Variants in PDK1 observed in about 807,000 individuals in gnomAD.
PDK1 encodes pyruvate dehydrogenase kinase 1.
Under a neutral mutation model 54.2 loss-of-function variants are expected in PDK1, and 39 were observed. That is an observed-to-expected ratio of 0.72 (90% CI 0.56 to 0.94). PDK1 has a LOEUF of 0.94. Among genes scored for constraint, PDK1 ranks in the 40% least tolerant of loss-of-function variants. The pLI, the probability that PDK1 is intolerant of heterozygous loss-of-function variation, is 0.00. For missense variants in PDK1, 552 were observed against 566.0 expected (o/e 0.98, Z 0.25); for synonymous variants, 221 against 207.1 (o/e 1.07, Z -0.58).
At chr2:172,686,601 A>C in the PDK1 span, among the ~76,000 whole-genome samples, 1 of 152,230 alleles carries the variant, frequency 6.6e-6, no homozygotes, top group African/African-American at 2.4e-5. Context: ...CTGCAGCAGC[A>C]ACCTGCTTGG....
the PDK1 span, among the ~76,000 whole-genome samples, chr2:172,661,256 T>A: frequency 6.6e-6 from 1 of 152,248 alleles, no homozygotes; most frequent in East Asian, 1.9e-4. Flanking sequence ...GTTTAGGAAT[T>A]TTGCAACCTG....
the PDK1 span, among the ~76,000 whole-genome samples, chr2:172,631,181 A>G: frequency 0.72 from 109,145 of 152,194 alleles, 39,516 homozygotes; most frequent in Non-Finnish European, 0.77. Context: ...ACCTCTATCA[A>G]ATAACAAATT....
chr2:172,712,882 A>G, the PDK1 span, among the ~76,000 whole-genome samples: 1 of 152,248 alleles, frequency 6.6e-6, no homozygotes. Flanking sequence ...TGAGGTATGC[A>G]GATAACTGCA....
chr2:172,684,587 C>T, the PDK1 span, among the ~76,000 whole-genome samples: 1 of 152,086 alleles, frequency 6.6e-6, no homozygotes, highest in African/African-American at 2.4e-5. Flanking sequence ...GGGATCAGTG[C>T]CCCAGTGACT....
intron 9 of PDK1, among the ~76,000 whole-genome samples, chr2:172,588,636 C>G (rs1018215917): frequency 5.3e-5 from 8 of 152,206 alleles, no homozygotes; most frequent in African/African-American, 1.7e-4. Flanking sequence ...TAATTTCTTG[C>G]AGAGCCTCCT....
chr2:172,559,669 T>C (rs1323518432), intron 2 of PDK1, among the ~76,000 whole-genome samples: 1 of 152,174 alleles, frequency 6.6e-6, no homozygotes, highest in Admixed American at 6.5e-5. Context: ...TGCCTCAGCC[T>C]CCAGAGTAGC....
In PDK1 at chr2:172,570,858, T is replaced by G. The variant is rs773983837; in HGVS notation, c.945+34T>G. ...GTTTAATGGTTTGTTTTCTTTTTTT[T>G]TTTTTTGTAATTGATGAACAGACAT... On this transcript the variant is annotated intron_variant, in intron 8 of 10. Coordinates refer to ENST00000282077, the MANE Select transcript of PDK1 (RefSeq NM_002610.5). 3.9e-6 allele frequency: 5 copies of G among 1,290,984 alleles called. No homozygotes were observed. In the East Asian group the frequency reaches 9.2e-5, roughly 24 times the overall value. 80.0% of individuals were successfully genotyped at this position (1,290,984 alleles called of 1,614,324 possible). A position where few individuals can be genotyped will look rare whatever the true frequency, so the allele number is the denominator to read the frequency against.
the PDK1 span, among the ~76,000 whole-genome samples, chr2:172,717,245 T>G: frequency 6.6e-6 from 1 of 152,194 alleles, no homozygotes; most frequent in Non-Finnish European, 1.5e-5. Flanking sequence ...TAAACCTGTG[T>G]GCATGTGAGT....
At chr2:172,691,471 A>C in the PDK1 span, 3 of 151,952 alleles carry the variant, frequency 2.0e-5, no homozygotes, top group Non-Finnish European at 4.4e-5. Flanking sequence ...TGTACATTCT[A>C]AGGGCTGGGA....
chr2:172,566,547 C>T (rs757831214), intron 5 of PDK1, among the ~76,000 whole-genome samples: 3 of 151,518 alleles, frequency 2.0e-5, no homozygotes, highest in East Asian at 1.9e-4. Flanking sequence ...ATCGAGACTC[C>T]GTCTCAAAGG....
chr2:172,668,811 TTATA>T, the PDK1 span, among the ~76,000 whole-genome samples: 1 of 145,928 alleles, frequency 6.9e-6, no homozygotes, highest in African/African-American at 2.5e-5. Context: ...TATATATACA[TTATA>T]TATATATACA....
At chr2:172,667,175 A>G in the PDK1 span, among the ~76,000 whole-genome samples, 3 of 152,164 alleles carry the variant, frequency 2.0e-5, no homozygotes, top group Non-Finnish European at 2.9e-5. Context: ...TTTAATACTC[A>G]CATATTCCTA....
At chr2:172,656,645 A>G in the PDK1 span, among the ~76,000 whole-genome samples, 3 of 152,296 alleles carry the variant, frequency 2.0e-5, no homozygotes, top group Admixed American at 2.0e-4. Flanking sequence ...GTGATGGCTC[A>G]TGCCTGTAAT....
chr2:172,565,186 C>G, intron 5 of PDK1, 113 bp downstream of exon 5: 1 of 665,496 alleles, frequency 1.5e-6, no homozygotes, highest in East Asian at 2.7e-5. Context: ...GGCACAAATG[C>G]ATGGGTTTGA....
At chr2:172,640,888 G>A in the PDK1 span, among the ~76,000 whole-genome samples, 1 of 151,936 alleles carries the variant, frequency 6.6e-6, no homozygotes, top group Non-Finnish European at 1.5e-5. Flanking sequence ...ATATACAGGG[G>A]AAGCTGTCCC....
chr2:172,576,029 G>T (rs993442934), intron 8 of PDK1, among the ~76,000 whole-genome samples: 20 of 151,962 alleles, frequency 1.3e-4, no homozygotes, highest in Admixed American at 3.9e-4. Flanking sequence ...CCGAGTTCAC[G>T]CCATTCTCCT....
At chr2:172,687,671 C>G in the PDK1 span, among the ~76,000 whole-genome samples, 1 of 152,168 alleles carries the variant, frequency 6.6e-6, no homozygotes, top group Non-Finnish European at 1.5e-5. Flanking sequence ...CTTGGTTTAT[C>G]ATATCTTTCT....
intron 3 of PDK1, chr2:172,563,960 C>G (rs2149206697): frequency 2.2e-6 from 1 of 464,096 alleles, no homozygotes; most frequent in South Asian, 1.6e-5. Context: ...TTTACTTTTC[C>G]TCTCCCATTT....
At chr2:172,577,478 C>T (rs936321109) in intron 8 of PDK1, among the ~76,000 whole-genome samples, 27 of 151,712 alleles carry the variant, frequency 1.8e-4, no homozygotes, top group South Asian at 6.2e-4. Context: ...TTATGTTTGC[C>T]GTTTTGTCTT....
Sources: gnomAD v4.1 joint callset for allele counts (sites outside exome capture counted in the v4.1 genomes callset) on GRCh38, gnomAD v4.1.1 for gene constraint, MANE v1.5 for transcripts, NCBI Gene and HGNC (gene_info 2026-07-23, HGNC 2026-07-21) for gene names.